ELAVL4: variants seen among roughly 807,000 people sequenced by gnomAD.
The protein encoded by ELAVL4 is ELAV-like protein 4.
ELAVL4 carries 1 observed loss-of-function variant against 35.6 expected under a neutral mutation model. That is an observed-to-expected ratio of 0.03 (90% CI 0.01 to 0.13). The LOEUF is 0.13. Among genes scored for constraint, ELAVL4 ranks in the 10% least tolerant of loss-of-function variants. ELAVL4 has a pLI of 1.00. For missense variants in ELAVL4, 267 were observed against 464.9 expected (o/e 0.57, Z 3.91); for synonymous variants, 156 against 171.0 (o/e 0.91, Z 0.69).
At chr1:50,145,694 A>T (rs1455093147) in intron 2 of ELAVL4, among the ~76,000 whole-genome samples, 1 of 152,214 alleles carries the variant, frequency 6.6e-6, no homozygotes, top group Admixed American at 6.5e-5. Context: ...ATAGCAGATT[A>T]TTCTGGAATA....
chr1:50,062,923 C>A (rs969209032), intron 1 of ELAVL4, among the ~76,000 whole-genome samples: 8 of 152,138 alleles, frequency 5.3e-5, no homozygotes, highest in Non-Finnish European at 1.0e-4. Flanking sequence ...GTCTACCAAC[C>A]CATATTTATC....
At chr1:50,100,336 G>A (rs1468756907), upstream of ELAVL4, among the ~76,000 whole-genome samples, 2 of 152,158 alleles carry the variant, frequency 1.3e-5, no homozygotes, top group African/African-American at 4.8e-5. Context: ...ACATCCCTCT[G>A]TTTATAGCTT....
At chr1:50,065,798 C>A (rs1044105839) in intron 1 of ELAVL4, among the ~76,000 whole-genome samples, 21 of 152,102 alleles carry the variant, frequency 1.4e-4, no homozygotes, top group African/African-American at 4.8e-4. Flanking sequence ...CTCTGCTGAT[C>A]ATGACCAGGT....
At chr1:50,143,307 G>C (rs1171352372) in intron 1 of ELAVL4, among the ~76,000 whole-genome samples, 1 of 152,170 alleles carries the variant, frequency 6.6e-6, no homozygotes, top group East Asian at 1.9e-4. Context: ...CAGGCAAATG[G>C]TAATAATAAT....
chr1:50,141,901 A>G (rs1324288429), intron 1 of ELAVL4: 6 of 152,114 alleles, frequency 3.9e-5, no homozygotes, highest in Non-Finnish European at 8.8e-5. Flanking sequence ...AGTCTGCTTT[A>G]TTTCCTTGGC....
chr1:50,056,204 TAGA>T (rs1663660062), intron 1 of ELAVL4, among the ~76,000 whole-genome samples: 1 of 152,202 alleles, frequency 6.6e-6, no homozygotes, highest in Non-Finnish European at 1.5e-5. Flanking sequence ...ACTAGTGTTC[TAGA>T]AGTGCCTGGT....
chr1:50,119,435 T>C (rs893062838), intron 1 of ELAVL4, among the ~76,000 whole-genome samples: 3 of 152,088 alleles, frequency 2.0e-5, no homozygotes, highest in Admixed American at 1.3e-4. Context: ...AATGAGAAGG[T>C]TGGATATTCT....
intron 4 of ELAVL4, among the ~76,000 whole-genome samples, chr1:50,195,352 G>C (rs78330749): frequency 0.04 from 6,091 of 152,244 alleles, 180 homozygotes; most frequent in African/African-American, 0.082. Context: ...CCTGTGTTCT[G>C]TGGCTGGGAG....
chr1:50,193,706 A>G lies in ELAVL4; in HGVS notation c.355-59A>G, dbSNP rs1454850966. ...GGGCTGTCATCTTGGTTGTGGACTC[A>G]GCATCTACTCTGAGGGTGATTGCCT... On this transcript the variant is annotated intron_variant, in intron 3 of 6. Transcript: ENST00000371824. The G allele has an allele frequency of 7.1e-6, 11 of 1,556,542 alleles. No individual in the cohort carries two copies. In the Admixed American group the frequency reaches 2.1e-4, roughly 30 times the overall value.
intron 1 of ELAVL4, among the ~76,000 whole-genome samples, chr1:50,078,626 G>C (rs1664870641): frequency 6.6e-6 from 1 of 152,158 alleles, no homozygotes; most frequent in African/African-American, 2.4e-5. Flanking sequence ...TAGGTGAGTG[G>C]AACTGGAACA....
chr1:50,078,106 T>TTGTGTGTGTG (rs56818675), intron 1 of ELAVL4, among the ~76,000 whole-genome samples: 3,127 of 145,030 alleles, frequency 0.022, 126 homozygotes, highest in African/African-American at 0.074. Flanking sequence ...AATATATACC[T>TTGTGTGTGTG]TGTGTGTGTG....
intron 2 of ELAVL4, among the ~76,000 whole-genome samples, chr1:50,156,339 C>G (rs1333751535): frequency 2.0e-5 from 3 of 152,148 alleles, no homozygotes; most frequent in African/African-American, 7.2e-5. Flanking sequence ...GAATTCAAAC[C>G]AGGTGATACA....
chr1:50,130,296 T>G (rs1177615501), intron 1 of ELAVL4, among the ~76,000 whole-genome samples: 1 of 152,150 alleles, frequency 6.6e-6, no homozygotes, highest in East Asian at 1.9e-4. Flanking sequence ...GGGCACAAAT[T>G]TGGTTTCAGC....
chr1:50,065,918 G>A (rs1664239973), intron 1 of ELAVL4, among the ~76,000 whole-genome samples: 1 of 152,054 alleles, frequency 6.6e-6, no homozygotes, highest in Non-Finnish European at 1.5e-5. Context: ...GGAGAACCAG[G>A]GCTTGTTCAT....
upstream of ELAVL4, among the ~76,000 whole-genome samples, chr1:50,098,977 G>C (rs1481914361): frequency 6.6e-6 from 1 of 152,184 alleles, no homozygotes; most frequent in Admixed American, 6.5e-5. Context: ...GTGGGCTGTT[G>C]ATCTAAGGCT....
intron 2 of ELAVL4, among the ~76,000 whole-genome samples, chr1:50,146,395 T>A (rs1363554110): frequency 6.6e-6 from 1 of 152,180 alleles, no homozygotes; most frequent in Non-Finnish European, 1.5e-5. Context: ...AATTTTCTTA[T>A]TTGAAAAACT....
At chr1:50,164,049 A>T (rs1368377418) in intron 2 of ELAVL4, among the ~76,000 whole-genome samples, 2 of 152,146 alleles carry the variant, frequency 1.3e-5, no homozygotes, top group East Asian at 3.9e-4. Context: ...CTTTAGTAAA[A>T]CAGATATCAA....
intron 1 of ELAVL4, among the ~76,000 whole-genome samples, chr1:50,123,735 C>A (rs866143872): frequency 2.0e-5 from 3 of 152,172 alleles, no homozygotes; most frequent in Middle Eastern, 3.4e-3. Context: ...TAGAACTGCA[C>A]CACGGTGTTC....
intron 3 of ELAVL4, among the ~76,000 whole-genome samples, chr1:50,187,381 A>C (rs927958283): frequency 2.0e-5 from 3 of 152,168 alleles, no homozygotes; most frequent in Admixed American, 6.5e-5. Flanking sequence ...TAGAAGTCTT[A>C]AATGCATTTT....
Sources: gnomAD v4.1 joint callset for allele counts (sites outside exome capture counted in the v4.1 genomes callset) on GRCh38, gnomAD v4.1.1 for gene constraint, MANE v1.5 for transcripts, NCBI Gene and HGNC (gene_info 2026-07-23, HGNC 2026-07-21) for gene names.